Variants in TSPAN33 observed in about 807,000 individuals in gnomAD.
The protein encoded by TSPAN33 is tetraspanin 33.
TSPAN33 carries 27 observed loss-of-function variants against 34.8 expected under a neutral mutation model. The observed-to-expected ratio is 0.78, with a 90% CI of 0.57 to 1.07. TSPAN33 has a LOEUF of 1.07. Among genes scored for constraint, TSPAN33 ranks in the 50% least tolerant of loss-of-function variants. The probability of loss-of-function intolerance (pLI) is 0.00; values close to 1 mark genes in which losing one functional copy is unlikely to be tolerated. For synonymous variants in TSPAN33, 119 were observed against 124.2 expected, an observed-to-expected ratio of 0.96 and a Z score of 0.28; for missense variants, 272 against 324.9, an observed-to-expected ratio of 0.84 and a Z score of 1.25.
rs150983011 is a variant in TSPAN33 at position 129,145,318 on chromosome 7, G to A, written c.102+236G>A. Among the ~76,000 whole-genome samples the A allele has an allele frequency of 8.6e-4, 131 of 152,234 alleles. No individual in the cohort carries two copies. The East Asian group carries it at 0.022, about 26-fold the overall frequency. On this transcript the variant is annotated intron_variant, in intron 1 of 7. Transcript: ENST00000486685. ...ACTGATGGGTATTCTCGGGGCGTCG[G>A]AGGAGGGTCTGTGTTAGGCTAGAAA...
intron 1 of TSPAN33, among the ~76,000 whole-genome samples, chr7:129,160,094 G>A (rs77309653): frequency 1.3e-5 from 2 of 152,296 alleles, no homozygotes; most frequent in East Asian, 1.9e-4. Flanking sequence ...AAGAGTTCTG[G>A]AAGACGTGGT....
In TSPAN33 at chr7:129,144,919, A is replaced by G; in HGVS notation, c.-62A>G. 2.6e-6 allele frequency: 1 copy of G among 387,688 alleles called. No individual in the cohort carries two copies. Among genetic ancestry groups the G allele is most frequent in the Non-Finnish European group, 4.6e-6 (1 of 218,246 alleles). The allele number at this position is 387,688 out of a possible 1,614,324, so 24.0% of individuals were successfully genotyped here. A position where few individuals can be genotyped will look rare whatever the true frequency, so the allele number is the denominator to read the frequency against. On this transcript the variant is annotated 5_prime_UTR_variant, in exon 1 of 8. Transcript: ENST00000486685. ...CGGCTCATGCCCCCGGGCGCGGGGCACACAGGCCGGCCGGCAGCCGCTGGG... is the reference window on the plus strand; with the variant it reads ...CGGCTCATGCCCCCGGGCGCGGGGCGCACAGGCCGGCCGGCAGCCGCTGGG...
chr7:129,147,919 C>T lies in TSPAN33; in HGVS notation c.102+2837C>T, dbSNP rs1198632179. Among the ~76,000 whole-genome samples the T allele has an allele frequency of 2.6e-5, 4 of 152,210 alleles. No individual in the cohort carries two copies. The East Asian group carries it at 7.7e-4, about 29-fold the overall frequency. On this transcript the variant is annotated intron_variant, in intron 1 of 7. Transcript: ENST00000486685. ...CCTACTGTTCATGTTTCAAATCTCA[C>T]TTCCCCTTTGACCTGGGAGTTCTGA...
intron 1 of TSPAN33, among the ~76,000 whole-genome samples, chr7:129,153,823 C>A (rs965331575): frequency 5.3e-5 from 8 of 151,958 alleles, no homozygotes; most frequent in Non-Finnish European, 1.0e-4. Context: ...TGTCTGTAGT[C>A]CCAGCTACTC....
At chr7:129,162,681 C>A (rs1429965122) in intron 3 of TSPAN33, 152 bp from the exon 4 acceptor site, 2 of 1,396,882 alleles carry the variant, frequency 1.4e-6, no homozygotes, top group African/African-American at 2.8e-5. Context: ...CACAGGGTGG[C>A]CACCCCCAAG....
rs1445989399 is a variant in TSPAN33, at chr7:129,165,198, G to A, written c.459+629G>A. ...CACTAACTCCCCATTTTCCTCTCTT[G>A]AAACTCTGTATCCATCAAACACTAA... On this transcript the variant is annotated intron_variant, in intron 5 of 7. Transcript: ENST00000486685. This position sits in a 1 kb window ranked among gnomAD's most constrained non-coding sequence, Gnocchi z 4.5. 6.6e-6 allele frequency among the ~76,000 whole-genome samples: 1 copy of A among 151,866 alleles called. No individual in the cohort carries two copies. The highest frequency in any genetic ancestry group is 1.9e-4 in the East Asian group (1 of 5,182).
rs778180180 is a variant in TSPAN33 at position 129,166,760 on chromosome 7, T to G, written c.460-18T>G. The G allele has an allele frequency of 1.2e-6, 2 of 1,613,496 alleles. No homozygotes were observed. Among genetic ancestry groups the G allele is most frequent in the South Asian group, 2.2e-5 (2 of 90,974 alleles). On this transcript the variant is annotated intron_variant, in intron 5 of 7. Coordinates refer to ENST00000486685, the MANE Select transcript of TSPAN33 (RefSeq NM_178562.5). ...TGAGGGGTGGGTGATTCTTAACCTC[T>G]GGTGGGTTTTGTTGCAGTTTAGCTG... is the stretch of plus-strand genomic sequence containing the variant.
rs1318301241 is a variant in TSPAN33 at position 129,167,752 on chromosome 7, A to G, written c.751-21A>G. ...GCCATCACTCACTGCTGAGTGCCCA[A>G]TTCCTTCTTGCCTCTCCCAGCTGGT... On this transcript the variant is annotated intron_variant, in intron 7 of 7. Coordinates refer to ENST00000486685, the MANE Select transcript of TSPAN33 (RefSeq NM_178562.5). The surrounding 1 kb of genome is among the most constrained non-coding windows in gnomAD (Gnocchi z 4.6). 3 of 1,613,246 alleles carry G rather than the reference A, an allele frequency of 1.9e-6. No homozygotes were observed. The highest frequency in any genetic ancestry group is 1.7e-6 in the Non-Finnish European group (2 of 1,179,426).
At chr7:129,166,955 C>G in intron 6 of TSPAN33, 49 bp downstream of exon 6, 5 of 1,594,052 alleles carry the variant, frequency 3.1e-6, no homozygotes, top group African/African-American at 1.3e-5. Flanking sequence ...AGCTGAGTCA[C>G]TTTCTGATGG....
rs749265430 is a variant in TSPAN33, at chr7:129,167,525, C to T, written c.715C>T (p.Leu239Phe). 1.2e-6 allele frequency: 2 copies of T among 1,614,056 alleles called. No homozygotes were observed. Among genetic ancestry groups the T allele is most frequent in the African/African-American group, 1.3e-5 (1 of 74,932 alleles). Residue 239 changes from leucine to phenylalanine, a missense_variant, in exon 7 of 8, where the codon CTT becomes TTT. Leu to Phe is a conservative substitution (Grantham distance 22). Coordinates refer to ENST00000486685, the MANE Select transcript of TSPAN33 (RefSeq NM_178562.5). This position sits in a 1 kb window ranked among gnomAD's most constrained non-coding sequence, Gnocchi z 4.6. ...CTGGATACACAGCAACCTATTCTTACTTGGTGGTGTGGCTCTAGGCCTGGC... is the reference window on the plus strand; with the variant it reads ...CTGGATACACAGCAACCTATTCTTATTTGGTGGTGTGGCTCTAGGCCTGGC... Reference protein sequence around the residue: ...VNWIHSNLFLLGGVALGLAIP... With the variant: ...VNWIHSNLFLFGGVALGLAIP...
chr7:129,166,938 G>A (rs1440649479), intron 6 of TSPAN33, 32 bp downstream of exon 6: 34 of 1,602,726 alleles, frequency 2.1e-5, no homozygotes, highest in Non-Finnish European at 2.8e-5. Context: ...TTTCCTCCTA[G>A]GCAGCGAGCT....
chr7:129,145,849 T>C (rs1168765951), intron 1 of TSPAN33, among the ~76,000 whole-genome samples: 1 of 151,808 alleles, frequency 6.6e-6, no homozygotes, highest in Non-Finnish European at 1.5e-5. Context: ...GACCTAAGCA[T>C]GTATGTTCAT....
chr7:129,164,635 A>G, intron 5 of TSPAN33, 66 bp downstream of exon 5: 1 of 1,428,516 alleles, frequency 7.0e-7, no homozygotes, highest in Non-Finnish European at 9.8e-7. Context: ...GAGATGCCTC[A>G]CCCTCTATGC....
chr7:129,165,767 G>C lies in TSPAN33; in HGVS notation c.460-1011G>C, dbSNP rs755391797. ...TCCACCAAAAATACAAAAATTAGCC[G>C]GGTTTGGTGGCGCACACCTGTAGTC... On this transcript the variant is annotated intron_variant, in intron 5 of 7. Coordinates refer to ENST00000486685, the MANE Select transcript of TSPAN33 (RefSeq NM_178562.5). The surrounding 1 kb of genome is among the most constrained non-coding windows in gnomAD (Gnocchi z 4.5). Among the ~76,000 whole-genome samples, 6 of 152,018 alleles carry C rather than the reference G, an allele frequency of 3.9e-5. No individual in the cohort carries two copies. Among genetic ancestry groups the C allele is most frequent in the Non-Finnish European group, 1.5e-5 (1 of 68,014 alleles).
rs765642801 is a variant in TSPAN33 at position 129,167,695 on chromosome 7, C to T, written c.751-78C>T. 3.4e-5 allele frequency: 54 copies of T among 1,566,610 alleles called. No individual in the cohort carries two copies. Among genetic ancestry groups the T allele is most frequent in the East Asian group, 4.5e-5 (2 of 44,606 alleles). On this transcript the variant is annotated intron_variant, in intron 7 of 7. Coordinates refer to ENST00000486685, the MANE Select transcript of TSPAN33 (RefSeq NM_178562.5). The surrounding 1 kb of genome is among the most constrained non-coding windows in gnomAD (Gnocchi z 4.6). ...GGGTAGGGAAAGGGATAGTGCTGGCCGCACTGGGAAGATCGAGCCAGGGAA... is the reference window on the plus strand; with the variant it reads ...GGGTAGGGAAAGGGATAGTGCTGGCTGCACTGGGAAGATCGAGCCAGGGAA...
Position 129,162,725 on chromosome 7 carries a change from G to A in TSPAN33, c.289-108G>A. On this transcript the variant is annotated intron_variant, in intron 3 of 7. Transcript: ENST00000486685. ...CCAGAGGCAGCTGCCTTTCTCATGT[G>A]TGGGGCATCTGGGAGAATTGCCTGG... 4 of 1,441,070 alleles carry A rather than the reference G, an allele frequency of 2.8e-6. No homozygotes were observed. In the Admixed American group the frequency reaches 5.4e-5, roughly 20 times the overall value. The allele number at this position is 1,441,070 out of a possible 1,614,324, so 89.3% of individuals were successfully genotyped here.
At chr7:129,154,812 A>C (rs1318870813) in intron 1 of TSPAN33, among the ~76,000 whole-genome samples, 1 of 152,220 alleles carries the variant, frequency 6.6e-6, no homozygotes, top group Non-Finnish European at 1.5e-5. Context: ...TTTCAAGAAC[A>C]ATTTTACAGA....
At chr7:129,164,593 G>A (rs749891631) in intron 5 of TSPAN33, 24 bp downstream of exon 5, 2 of 1,600,522 alleles carry the variant, frequency 1.2e-6, no homozygotes, top group South Asian at 1.1e-5. Context: ...AGTGGTCTGG[G>A]GGACTGTGGG....
intron 3 of TSPAN33, 88 bp from the exon 4 acceptor site, chr7:129,162,745 G>T (rs1332467111): frequency 6.7e-7 from 1 of 1,496,412 alleles, no homozygotes; most frequent in Non-Finnish European, 9.1e-7. Context: ...TGGGAGAATT[G>T]CCTGGCAGCT....
Sources: allele counts gnomAD v4.1 joint callset (sites outside exome capture counted in the v4.1 genomes callset), GRCh38; gene constraint gnomAD v4.1.1; non-coding constraint Gnocchi (gnomAD v3.1); transcripts MANE v1.5; gene names NCBI Gene and HGNC (gene_info 2026-07-23, HGNC 2026-07-21).